The following PGK1 variants were observed in gnomAD, a reference collection of about 807,000 sequenced individuals.
PGK1 encodes the protein PRP 2.
PGK1 carries 3 observed loss-of-function variants against 26.9 expected under a neutral mutation model. The ratio of observed to expected loss-of-function variants is 0.11; its 90% confidence interval spans 0.05 to 0.29. The LOEUF (loss-of-function observed/expected upper bound fraction) is 0.29. Among genes scored for constraint, PGK1 ranks in the 10% least tolerant of loss-of-function variants. The probability of loss-of-function intolerance (pLI) is 1.00; values close to 1 mark genes in which losing one functional copy is unlikely to be tolerated. For missense variants in PGK1, 270 were observed against 314.7 expected (o/e 0.86, Z 1.07); for synonymous variants, 125 against 115.3 (o/e 1.08, Z -0.54).
chrX:78,113,564 T>C (rs1306282453), intron 2 of PGK1, among the ~76,000 whole-genome samples, 180 bp from the exon 3 acceptor site: 1 of 112,045 alleles, frequency 8.9e-6, no homozygotes, highest in Non-Finnish European at 1.9e-5. Context: ...TGTACAATCC[T>C]AGGTGGAGGG....
chrX:78,111,940 G>T (rs1557246916), intron 2 of PGK1, among the ~76,000 whole-genome samples: 1 of 112,284 alleles, frequency 8.9e-6, no homozygotes, highest in Non-Finnish European at 1.9e-5. Flanking sequence ...TGGTTCCATT[G>T]CACAAACTTT....
Position 78,125,530 on chromosome X carries a change from C to G in PGK1, c.1213+105C>G, listed in dbSNP as rs1267196860. The G allele has an allele frequency of 6.9e-6, 4 of 579,039 alleles. No homozygotes were observed. In the African/African-American group the frequency reaches 9.0e-5, roughly 13 times the overall value. 47.7% of individuals were successfully genotyped at this position (579,039 alleles called of 1,213,427 possible). A position where few individuals can be genotyped will look rare whatever the true frequency, so the allele number is the denominator to read the frequency against. On this transcript the variant is annotated intron_variant, in intron 10 of 10. Transcript: ENST00000373316. The stretch of plus-strand genomic sequence containing the variant: ...AGTTAGAAGGTAGTGTTGTCATTAG[C>G]AGTCATTACTACCTGGGCAGTACAG...
intron 8 of PGK1, 118 bp from the exon 9 acceptor site, chrX:78,124,756 G>A: frequency 1.7e-6 from 1 of 584,995 alleles, no homozygotes; most frequent in Admixed American, 2.4e-5. Context: ...AGACTGAAGG[G>A]TACTATTTGT....
In PGK1 at chrX:78,117,949, C is replaced by T. The variant is rs1445038010; in HGVS notation, c.522-102C>T. The T allele has an allele frequency of 1.0e-5, 8 of 802,743 alleles. No homozygotes were observed. The Admixed American group carries it at 1.3e-4, about 14-fold the overall frequency. The allele number at this position is 802,743 out of a possible 1,213,427, so 66.2% of individuals were successfully genotyped here. On this transcript the variant is annotated intron_variant, in intron 5 of 10. Coordinates refer to ENST00000373316, the MANE Select transcript of PGK1 (RefSeq NM_000291.4). ...TAGGGATGAAAACCATGATTTCTTGCAGTCCAGAAGTAGAAATATTTTAGT... is the reference window on the plus strand; with the variant it reads ...TAGGGATGAAAACCATGATTTCTTGTAGTCCAGAAGTAGAAATATTTTAGT...
intron 7 of PGK1, 84 bp downstream of exon 7, chrX:78,123,033 T>C: frequency 2.7e-6 from 2 of 739,679 alleles, no homozygotes; most frequent in South Asian, 4.3e-5. Context: ...AACAGTCTTT[T>C]GACATGAGCC....
Position 78,118,072 on chromosome X carries a change from G to C in PGK1, c.543G>C (p.Leu181=). The C allele has an allele frequency of 8.3e-7, 1 of 1,205,751 alleles. No homozygotes were observed. The highest frequency in any genetic ancestry group is 1.1e-6 in the Non-Finnish European group (1 of 891,123). The change falls in exon 6 of 11, where the codon CTG becomes CTC. Residue 181 remains leucine, a synonymous_variant. Coordinates refer to ENST00000373316, the MANE Select transcript of PGK1 (RefSeq NM_000291.4). ...CTAGCTCCATGGTAGGAGTCAATCT[G>C]CCACAGAAGGCTGGTGGGTTTTTGA... ...RAHSSMVGVN[L]PQKAGGFLMK...
In PGK1 at chrX:78,113,810, G is replaced by T. The variant is rs11541568; in HGVS notation, c.183G>T (p.Met61Ile). 8.3e-7 allele frequency: 1 copy of T among 1,208,298 alleles called. No individual in the cohort carries two copies. Among genetic ancestry groups the T allele is most frequent in the Admixed American group, 2.2e-5 (1 of 46,040 alleles). The stretch of plus-strand genomic sequence containing the variant: ...ATGGAGCCAAGTCGGTAGTCCTTAT[G>T]AGCCACCTAGGCCGGCCTGATGGTG... ...LDNGAKSVVL[M>I]SHLGRPDGVP... Residue 61 changes from methionine (M) to isoleucine (I), a missense_variant, in exon 3 of 11, where the codon ATG becomes ATT. Physicochemically the swap from Met to Ile is conservative, Grantham distance 10. Transcript: ENST00000373316.
chrX:78,122,529 AAG>A (rs2078361279), intron 6 of PGK1, among the ~76,000 whole-genome samples: 1 of 108,988 alleles, frequency 9.2e-6, no homozygotes, highest in Non-Finnish European at 1.9e-5. Context: ...TGCTTAAAAA[AAG>A]AATATGGATT....
rs903902984 is a variant in PGK1 at position 78,128,056 on chromosome X, C to T, written c.*2226C>T. The T allele has an allele frequency of 3.6e-5, 4 of 112,655 alleles. No homozygotes were observed. The East Asian group carries it at 1.1e-3, about 31-fold the overall frequency. 9.3% of individuals were successfully genotyped at this position (112,655 alleles called of 1,213,427 possible). ...CTGGACTGTTTCCAGGATCACCCCTCATTTATTTGGGTTGTTAACCTAAAG... is the reference window on the plus strand; with the variant it reads ...CTGGACTGTTTCCAGGATCACCCCTTATTTATTTGGGTTGTTAACCTAAAG... On this transcript the variant is annotated 3_prime_UTR_variant, in exon 11 of 11. Coordinates refer to ENST00000373316, the MANE Select transcript of PGK1 (RefSeq NM_000291.4).
intron 2 of PGK1, among the ~76,000 whole-genome samples, chrX:78,111,459 C>A (rs2078300926): frequency 8.9e-6 from 1 of 112,144 alleles, no homozygotes; most frequent in African/African-American, 3.2e-5. Context: ...AATAGAAATA[C>A]AATGTGAGCC....
chrX:78,114,245 A>G, intron 4 of PGK1, 85 bp downstream of exon 4: 1 of 962,992 alleles, frequency 1.0e-6, no homozygotes, highest in Non-Finnish European at 1.5e-6. Flanking sequence ...AAGCTCATTT[A>G]TTTTAACTTA....
Position 78,113,795 on chromosome X carries a change from G to T in PGK1, c.168G>T (p.Lys56Asn), listed in dbSNP as rs782678046. Residue 56 changes from lysine to asparagine, a missense_variant, in exon 3 of 11, where the codon AAG (lysine) becomes AAT (asparagine). Physicochemically the swap from Lys to Asn is moderately conservative, Grantham distance 94. This residue lies in a region of PGK1 where 150 missense variants were observed against 154.6 expected (regional missense o/e 0.97). Coordinates refer to ENST00000373316, the MANE Select transcript of PGK1 (RefSeq NM_000291.4). ...SIKFCLDNGAKSVVLMSHLGR... is the reference protein window; with the variant it reads ...SIKFCLDNGANSVVLMSHLGR... Reference sequence around the variant, plus strand: ...AATTCTGCTTGGACAATGGAGCCAAGTCGGTAGTCCTTATGAGCCACCTAG... The same window carrying T: ...AATTCTGCTTGGACAATGGAGCCAATTCGGTAGTCCTTATGAGCCACCTAG... The T allele has an allele frequency of 8.3e-7, 1 of 1,208,754 alleles. No individual in the cohort carries two copies.
At position 78,104,272 on chromosome X, in the gene PGK1, A is replaced by C. The variant is rs782599913; in HGVS notation, c.-69A>C. ...TGTTCCGCATTCTGCAAGCCTCCGG[A>C]GCGCACGTCGGCAGTCGGCTCCCTC... is the stretch of plus-strand genomic sequence containing the variant. On this transcript the variant is annotated 5_prime_UTR_variant, in exon 1 of 11. Transcript: ENST00000373316. The C allele has an allele frequency of 2.0e-5, 16 of 808,210 alleles. No homozygotes were observed. The African/African-American group carries it at 3.0e-4, about 15-fold the overall frequency. The allele number at this position is 808,210 out of a possible 1,213,427, so 66.6% of individuals were successfully genotyped here.
intron 10 of PGK1, 82 bp from the exon 11 acceptor site, chrX:78,125,708 T>C: frequency 4.7e-6 from 4 of 842,669 alleles, no homozygotes; most frequent in Non-Finnish European, 5.4e-6. Context: ...TGGCATGTTA[T>C]TGGGAAGATA....
At chrX:78,115,811 C>G (rs2078323852) in intron 4 of PGK1, among the ~76,000 whole-genome samples, 1 of 111,933 alleles carries the variant, frequency 8.9e-6, no homozygotes, top group Admixed American at 9.4e-5. Flanking sequence ...TTCCATGGCA[C>G]CTTTTTTCAT....
At position 78,127,205 on chromosome X, in the gene PGK1, C is replaced by CT. The variant is rs1224071223; in HGVS notation, c.*1378dup. ...TGCCTGGGAGGCAAAATCTCTAAGA[C>CT]TTTGTAAGTCTGAAAATGTCTTTAT... is the stretch of plus-strand genomic sequence containing the variant. On this transcript the variant is annotated 3_prime_UTR_variant, in exon 11 of 11. Transcript: ENST00000373316. The CT allele has an allele frequency of 1.8e-5, 2 of 112,753 alleles. No individual in the cohort carries two copies. Among genetic ancestry groups the CT allele is most frequent in the Non-Finnish European group, 3.7e-5 (2 of 53,379 alleles). 9.3% of individuals were successfully genotyped at this position (112,753 alleles called of 1,213,427 possible). A position where few individuals can be genotyped will look rare whatever the true frequency, so the allele number is the denominator to read the frequency against.
intron 1 of PGK1, among the ~76,000 whole-genome samples, chrX:78,105,225 G>T (rs1329743108): frequency 2.7e-5 from 3 of 111,951 alleles, no homozygotes; most frequent in African/African-American, 9.8e-5. Context: ...TTGCCAACAC[G>T]GTTTCTCTCT....
At chrX:78,108,491 G>A (rs2078282954) in intron 1 of PGK1, among the ~76,000 whole-genome samples, 1 of 112,291 alleles carries the variant, frequency 8.9e-6, no homozygotes, top group African/African-American at 3.2e-5. Context: ...TAATTTTGAA[G>A]ACTTTAAAAC....
rs1557249038 is a variant in PGK1 at position 78,129,190 on chromosome X, C to T, written c.*3360C>T. 9.1e-6 allele frequency: 1 copy of T among 109,869 alleles called. No homozygotes were observed. Among genetic ancestry groups the T allele is most frequent in the Non-Finnish European group, 1.9e-5 (1 of 52,767 alleles). 9.1% of individuals were successfully genotyped at this position (109,869 alleles called of 1,213,427 possible). ...CACTCCAGCCTGGGCAACAGTGAGA[C>T]TCTGCATAAAGAGCATACCCATGTG... On this transcript the variant is annotated 3_prime_UTR_variant, in exon 11 of 11. Transcript: ENST00000373316.
Sources: allele counts gnomAD v4.1 joint callset (sites outside exome capture counted in the v4.1 genomes callset), GRCh38; gene constraint gnomAD v4.1.1; regional missense constraint gnomAD v4.1.1; transcripts MANE v1.5; gene names NCBI Gene and HGNC (gene_info 2026-07-23, HGNC 2026-07-21).